Variants in FANCC observed in about 807,000 individuals in gnomAD.
FANCC encodes the protein FA complementation group C.
Under a neutral mutation model 71.3 loss-of-function variants are expected in FANCC, and 55 were observed. The observed-to-expected ratio is 0.77, with a 90% CI of 0.62 to 0.97. The LOEUF (loss-of-function observed/expected upper bound fraction) is 0.97, where lower values mean the gene tolerates loss of function less well. Ranked by LOEUF, FANCC falls within the 50% of genes least tolerant of loss-of-function variation. FANCC has a pLI of 0.00. For missense variants in FANCC, 678 were observed against 670.9 expected (o/e 1.01, Z -0.12); for synonymous variants, 275 against 244.9 (o/e 1.12, Z -1.15).
At chr9:95,162,012 TTG>T (rs2135521648) in intron 6 of FANCC, among the ~76,000 whole-genome samples, 1 of 152,232 alleles carries the variant, frequency 6.6e-6, no homozygotes, top group South Asian at 2.1e-4. Context: ...CATCTAATTT[TTG>T]TATTTTTAGT....
intron 4 of FANCC, among the ~76,000 whole-genome samples, chr9:95,216,190 T>C (rs930058243): frequency 2.1e-4 from 32 of 152,348 alleles, no homozygotes; most frequent in African/African-American, 7.5e-4. Context: ...TTGTTGTTAC[T>C]GTTGTTTTAA....
intron 4 of FANCC, among the ~76,000 whole-genome samples, chr9:95,178,510 C>T (rs150554111): frequency 6.6e-6 from 1 of 152,364 alleles, no homozygotes; most frequent in East Asian, 1.9e-4. Context: ...CGGTCTCTTC[C>T]TCCTCTGAGG....
chr9:95,302,468 GAC>G (rs1358647524), intron 1 of FANCC, among the ~76,000 whole-genome samples: 4 of 152,294 alleles, frequency 2.6e-5, no homozygotes, highest in African/African-American at 4.8e-5. Context: ...CACCTATGAA[GAC>G]ACAGCCTGGT....
intron 1 of FANCC, among the ~76,000 whole-genome samples, chr9:95,264,405 G>A (rs769487476): frequency 6.6e-6 from 1 of 152,156 alleles, no homozygotes; most frequent in Non-Finnish European, 1.5e-5. Context: ...AACCCCTGTA[G>A]CTCCAAGATT....
intron 1 of FANCC, among the ~76,000 whole-genome samples, chr9:95,273,879 A>G (rs1324868016): frequency 6.6e-6 from 1 of 152,142 alleles, no homozygotes; most frequent in African/African-American, 2.4e-5. Flanking sequence ...GGTGTAGCAA[A>G]GAGGAAATGA....
chr9:95,241,544 C>T (rs1026805727), intron 3 of FANCC, among the ~76,000 whole-genome samples: 1 of 152,122 alleles, frequency 6.6e-6, no homozygotes, highest in Non-Finnish European at 1.5e-5. Flanking sequence ...GATGTCAGTA[C>T]CCGAGCTAGG....
Position 95,278,053 on chromosome 9 carries a change from G to T in FANCC, c.-78-28684C>A, listed in dbSNP as rs779018508. Among the ~76,000 whole-genome samples, 45 of 152,022 alleles carry T rather than the reference G, an allele frequency of 3.0e-4. 1 individual carries two copies. Among genetic ancestry groups the T allele is most frequent in the South Asian group, 2.1e-4 (1 of 4,810 alleles). ...ATGATATGTACACACTGTACTGTTGGGCCTATAACATATAGAAAGGAATAA... is the reference window on the plus strand; with the variant it reads ...ATGATATGTACACACTGTACTGTTGTGCCTATAACATATAGAAAGGAATAA... On this transcript the variant is annotated intron_variant, in intron 1 of 14. Transcript: ENST00000289081.
chr9:95,309,376 C>T (rs1022099656), intron 1 of FANCC, among the ~76,000 whole-genome samples: 5 of 152,114 alleles, frequency 3.3e-5, no homozygotes, highest in Non-Finnish European at 4.4e-5. Flanking sequence ...TCCTAGCTAA[C>T]GGCTTCAAGC....
chr9:95,294,766 G>A, intron 1 of FANCC: 1 of 1,584,366 alleles, frequency 6.3e-7, no homozygotes. Context: ...CAGCTCTGTA[G>A]AAACCCAGAC....
intron 4 of FANCC, among the ~76,000 whole-genome samples, chr9:95,220,228 G>C (rs543941110): frequency 1.3e-5 from 2 of 152,310 alleles, no homozygotes; most frequent in East Asian, 3.9e-4. Flanking sequence ...ACAGGTGCTG[G>C]AGAGGATGTG....
intron 4 of FANCC, among the ~76,000 whole-genome samples, chr9:95,216,182 G>A (rs924685714): frequency 6.6e-6 from 1 of 152,158 alleles, no homozygotes; most frequent in African/African-American, 2.4e-5. Context: ...AACTGTTATT[G>A]TTGTTACTGT....
chr9:95,157,507 G>C (rs1326719088), intron 6 of FANCC, among the ~76,000 whole-genome samples: 1 of 152,186 alleles, frequency 6.6e-6, no homozygotes, highest in Non-Finnish European at 1.5e-5. Context: ...TGGGGCAGAT[G>C]GTTTGGAAGC....
intron 4 of FANCC, among the ~76,000 whole-genome samples, chr9:95,202,675 A>G (rs755200560): frequency 3.3e-5 from 5 of 152,254 alleles, no homozygotes; most frequent in Non-Finnish European, 7.3e-5. Context: ...GATTGGTTAC[A>G]AAGCAAGATA....
At chr9:95,228,485 ATTCAT>A (rs1322345586) in intron 4 of FANCC, among the ~76,000 whole-genome samples, 2 of 152,142 alleles carry the variant, frequency 1.3e-5, no homozygotes, top group Non-Finnish European at 2.9e-5. Flanking sequence ...AAAAATTCCT[ATTCAT>A]TTCTTTACTG....
chr9:95,293,886 G>C, intron 1 of FANCC: 1 of 1,604,122 alleles, frequency 6.2e-7, no homozygotes, highest in South Asian at 1.1e-5. Context: ...AATGTGCAGA[G>C]ACATTTTTGA....
chr9:95,104,800 G>A (rs1238289640), intron 14 of FANCC, among the ~76,000 whole-genome samples: 1 of 152,166 alleles, frequency 6.6e-6, no homozygotes, highest in African/African-American at 2.4e-5. Flanking sequence ...GGGTTGGGGA[G>A]GAAGTGCCTG....
chr9:95,242,979 T>TA (rs1473900545), intron 3 of FANCC, among the ~76,000 whole-genome samples: 2 of 152,256 alleles, frequency 1.3e-5, no homozygotes, highest in African/African-American at 4.8e-5. Flanking sequence ...ATTTGGATTC[T>TA]AAAACTGAGT....
chr9:95,274,236 CACTGTTCA>C (rs1832908528), intron 1 of FANCC, among the ~76,000 whole-genome samples: 1 of 152,146 alleles, frequency 6.6e-6, no homozygotes, highest in South Asian at 2.1e-4. Flanking sequence ...CATGTGTTCT[CACTGTTCA>C]ACTCCCATTT....
At chr9:95,294,232 C>T in intron 1 of FANCC, 1 of 1,585,966 alleles carries the variant, frequency 6.3e-7, no homozygotes, top group South Asian at 1.1e-5. Flanking sequence ...AGCCCAGAAC[C>T]CTGGAATCAA....
Sources: allele counts gnomAD v4.1 joint callset (sites outside exome capture counted in the v4.1 genomes callset), GRCh38; gene constraint gnomAD v4.1.1; transcripts MANE v1.5; gene names NCBI Gene and HGNC (gene_info 2026-07-23, HGNC 2026-07-21).